HMCN2: variants seen among roughly 807,000 people sequenced by gnomAD.
HMCN2 encodes hemicentin-2.
Under a neutral mutation model 377.5 loss-of-function variants are expected in HMCN2, and 325 were observed. That is an observed-to-expected ratio of 0.86 (90% confidence interval 0.79 to 0.94). The LOEUF (loss-of-function observed/expected upper bound fraction) is 0.94, where lower values mean the gene tolerates loss of function less well. HMCN2 is among the 40% of genes least tolerant of loss of function. The probability of loss-of-function intolerance (pLI) is 0.00; values close to 1 mark genes in which losing one functional copy is unlikely to be tolerated. For synonymous variants in HMCN2, 2,007 were observed against 2,046.8 expected, an observed-to-expected ratio of 0.98 and a Z score of 0.53; for missense variants, 4,543 against 4,725.3, an observed-to-expected ratio of 0.96 and a Z score of 1.13.
intron 1 of HMCN2, among the ~76,000 whole-genome samples, chr9:130,281,704 G>A (rs375356977): frequency 3.3e-5 from 5 of 152,148 alleles, no homozygotes; most frequent in East Asian, 3.9e-4. Context: ...GACCGGCCTG[G>A]CCAACATGGC....
At chr9:130,326,565 G>A (rs1838145407) in intron 21 of HMCN2, among the ~76,000 whole-genome samples, 1 of 151,550 alleles carries the variant, frequency 6.6e-6, no homozygotes, top group Non-Finnish European at 1.5e-5. Flanking sequence ...GACCCTTACA[G>A]TCAATATTTT....
chr9:130,432,240 C>T (rs1844801021), intron 96 of HMCN2, among the ~76,000 whole-genome samples, 189 bp from the exon 97 acceptor site: 1 of 152,166 alleles, frequency 6.6e-6, no homozygotes, highest in Admixed American at 6.5e-5. Flanking sequence ...GCCCTGGCCC[C>T]CCGAGGGAGA....
intron 22 of HMCN2, among the ~76,000 whole-genome samples, chr9:130,332,473 C>T (rs1838476348): frequency 6.6e-6 from 1 of 152,158 alleles, no homozygotes. Context: ...TAAGTGAGAG[C>T]GTGTTTGGCG....
chr9:130,355,335 G>C (rs951787172), intron 32 of HMCN2, among the ~76,000 whole-genome samples: 1 of 152,190 alleles, frequency 6.6e-6, no homozygotes, highest in Non-Finnish European at 1.5e-5. Context: ...CAATGGAATG[G>C]CCCTTTACGG....
At chr9:130,410,732 A>T in intron 85 of HMCN2, 80 bp downstream of exon 85, 4 of 1,182,166 alleles carry the variant, frequency 3.4e-6, no homozygotes, top group Non-Finnish European at 4.9e-6. Context: ...TAGAGGGCAG[A>T]CGGCAGGGCT....
At chr9:130,344,490 T>C (rs1839233982) in intron 25 of HMCN2, among the ~76,000 whole-genome samples, 1 of 151,124 alleles carries the variant, frequency 6.6e-6, no homozygotes, top group African/African-American at 2.4e-5. Flanking sequence ...GCATGGTGTT[T>C]GTGTGTGGTG....
At chr9:130,363,279 G>A (rs1042615753) in intron 40 of HMCN2, among the ~76,000 whole-genome samples, 1 of 152,196 alleles carries the variant, frequency 6.6e-6, no homozygotes, top group Non-Finnish European at 1.5e-5. Context: ...GTGGAGTGGT[G>A]GTTAGGAAAG....
At chr9:130,313,911 C>G (rs1837407378) in intron 15 of HMCN2, among the ~76,000 whole-genome samples, 1 of 151,708 alleles carries the variant, frequency 6.6e-6, no homozygotes, top group African/African-American at 2.4e-5. Context: ...TCCCAAGTAG[C>G]TGGGATTACA....
At chr9:130,389,446 T>G (rs1283949767) in intron 62 of HMCN2, among the ~76,000 whole-genome samples, 2 of 152,228 alleles carry the variant, frequency 1.3e-5, no homozygotes, top group Non-Finnish European at 2.9e-5. Context: ...GCTTTCTGTC[T>G]CTGTGGATTG....
In HMCN2 at chr9:130,394,953, C is replaced by A; in HGVS notation, c.10693-74C>A. Reference sequence around the variant, plus strand: ...AGTTTGAATCCTGGGTCCCTCGATGCATGAGAAAGAAACCAGATTGGGAGG... The same window carrying A: ...AGTTTGAATCCTGGGTCCCTCGATGAATGAGAAAGAAACCAGATTGGGAGG... On this transcript the variant is annotated intron_variant, in intron 69 of 97. Transcript: ENST00000683500. This position sits in a 1 kb window ranked among gnomAD's most constrained non-coding sequence, Gnocchi z 5.1. 9.9e-7 allele frequency: 1 copy of A among 1,006,024 alleles called. No individual in the cohort carries two copies. The highest frequency in any genetic ancestry group is 1.5e-5 in the South Asian group (1 of 68,832). The allele number at this position is 1,006,024 out of a possible 1,614,324, so 62.3% of individuals were successfully genotyped here.
Position 130,433,543 on chromosome 9 carries a change from G to A in HMCN2, c.15090G>A (p.Ala5030=). 8 of 1,468,316 alleles carry A rather than the reference G, an allele frequency of 5.4e-6. No individual in the cohort carries two copies. The highest frequency in any genetic ancestry group is 7.2e-6 in the Non-Finnish European group (8 of 1,116,618). The allele number at this position is 1,468,316 out of a possible 1,614,324, so 91.0% of individuals were successfully genotyped here. Residue 5030 remains alanine, a synonymous_variant, in exon 98 of 98, where the codon GCG becomes GCA. Transcript: ENST00000683500. ...MLEPDPRSPF[A]LRPLRAGLGA... ...AGCCCGACCCCCGCAGCCCCTTCGC[G>A]CTGCGTCCGCTGCGCGCGGGCCTTG...
chr9:130,393,872 C>G lies in HMCN2; in HGVS notation c.10365C>G (p.Pro3455=), dbSNP rs1842458824. Residue 3455 remains proline (P), a synonymous_variant, in exon 68 of 98, where the codon CCC becomes CCG. Transcript: ENST00000683500. The surrounding 1 kb of genome is among the most constrained non-coding windows in gnomAD (Gnocchi z 5.2). ...PLVSWMKDGE[P]LLSQSLEQGP... ...TGTCGTGGATGAAGGATGGGGAACC[C>G]TTGTTGTCCCAGAGCCTCGAGCAGG... 1 of 1,289,496 alleles carries G rather than the reference C, an allele frequency of 7.8e-7. No individual in the cohort carries two copies. Among genetic ancestry groups the G allele is most frequent in the South Asian group, 1.2e-5 (1 of 81,018 alleles). The allele number at this position is 1,289,496 out of a possible 1,614,324, so 79.9% of individuals were successfully genotyped here.
At position 130,304,817 on chromosome 9, in the gene HMCN2, C is replaced by T. The variant is rs782218708; in HGVS notation, c.1631C>T (p.Ala544Val). The change falls in exon 11 of 98, where the codon GCC becomes GTC. Residue 544 changes from alanine to valine, a missense_variant. By Grantham distance (64) the Ala-to-Val change is moderately conservative. Transcript: ENST00000683500. This position sits in a 1 kb window ranked among gnomAD's most constrained non-coding sequence, Gnocchi z 4.3. ...CTATCCTGCCGGGTCCTAGGCGAGGCCCCCTACAACCTGACGTGGGTCCGG... is the reference window on the plus strand; with the variant it reads ...CTATCCTGCCGGGTCCTAGGCGAGGTCCCCTACAACCTGACGTGGGTCCGG... ...AVLSCRVLGE[A>V]PYNLTWVRDW... is the part of the protein sequence containing the mutation. 29 of 471,140 alleles carry T rather than the reference C, an allele frequency of 6.2e-5. No homozygotes were observed. The highest frequency in any genetic ancestry group is 4.2e-4 in the South Asian group (27 of 64,544). The allele number at this position is 471,140 out of a possible 1,614,324, so 29.2% of individuals were successfully genotyped here.
At chr9:130,297,581 C>A (rs75426824) in intron 7 of HMCN2, among the ~76,000 whole-genome samples, 1 of 152,174 alleles carries the variant, frequency 6.6e-6, no homozygotes, top group Non-Finnish European at 1.5e-5. Flanking sequence ...CTGGGAGGAG[C>A]CTGGATCAGG....
At chr9:130,271,768 G>C (rs920092486) in intron 1 of HMCN2, among the ~76,000 whole-genome samples, 2 of 148,858 alleles carry the variant, frequency 1.3e-5, no homozygotes, top group African/African-American at 4.9e-5. Context: ...GTACTGAGGT[G>C]CTGTTACTTC....
intron 1 of HMCN2, among the ~76,000 whole-genome samples, chr9:130,277,041 G>A (rs1015851034): frequency 2.6e-5 from 4 of 152,252 alleles, no homozygotes; most frequent in Non-Finnish European, 2.9e-5. Context: ...AGCCTTGACC[G>A]TGTCCACCGG....
At chr9:130,336,999 C>A (rs1009405000) in intron 22 of HMCN2, among the ~76,000 whole-genome samples, 1 of 152,140 alleles carries the variant, frequency 6.6e-6, no homozygotes, top group African/African-American at 2.4e-5. Context: ...AGCCAGTGAG[C>A]GCAGGGCCAG....
intron 28 of HMCN2, 130 bp from the exon 29 acceptor site, chr9:130,349,407 G>A (rs1441078975): frequency 2.7e-6 from 3 of 1,102,194 alleles, no homozygotes; most frequent in African/African-American, 3.3e-5. Context: ...CAGGGTTTTG[G>A]GGGGCTTCCC....
At position 130,393,241 on chromosome 9, in the gene HMCN2, G is replaced by A; in HGVS notation, c.10166G>A (p.Gly3389Asp). Residue 3389 changes from glycine to aspartate, a missense_variant, in exon 67 of 98, where the codon GGC (glycine) becomes GAC (aspartate). By Grantham distance (94) the Gly-to-Asp change is moderately conservative. Transcript: ENST00000683500. This position sits in a 1 kb window ranked among gnomAD's most constrained non-coding sequence, Gnocchi z 5.2. ...TCCAAGGTGCAATTGGCAGACGCTG[G>A]CATCTTCACCTGTGTGGCCGCAAGC... is the stretch of plus-strand genomic sequence containing the variant. ...RISKVQLADA[G>D]IFTCVAASPA... The A allele has an allele frequency of 1.0e-6, 1 of 988,284 alleles. No individual in the cohort carries two copies. The highest frequency in any genetic ancestry group is 1.2e-6 in the Non-Finnish European group (1 of 830,332). The allele number at this position is 988,284 out of a possible 1,614,324, so 61.2% of individuals were successfully genotyped here.
Sources: gnomAD v4.1 joint callset for allele counts (sites outside exome capture counted in the v4.1 genomes callset) on GRCh38, gnomAD v4.1.1 for gene constraint, Gnocchi (gnomAD v3.1) non-coding constraint, MANE v1.5 for transcripts, NCBI Gene and HGNC (gene_info 2026-07-23, HGNC 2026-07-21) for gene names.